Variants in VPS13B observed in about 807,000 individuals in gnomAD.
VPS13B encodes the protein intermembrane lipid transfer protein VPS13B.
A neutral mutation model predicts 426.4 loss-of-function variants in VPS13B; 285 were observed. The ratio of observed to expected loss-of-function variants is 0.67; its 90% CI spans 0.61 to 0.74. The LOEUF is 0.74. VPS13B is among the 30% of genes least tolerant of loss of function. VPS13B has a pLI of 0.00. For synonymous variants in VPS13B, 1,676 were observed against 1,676.4 expected, an observed-to-expected ratio of 1.00 and a Z score of 0.01; for missense variants, 4,537 against 4,782.6, an observed-to-expected ratio of 0.95 and a Z score of 1.51.
intron 20 of VPS13B, among the ~76,000 whole-genome samples, chr8:99,385,914 G>C (rs2133299009): frequency 6.6e-6 from 1 of 152,274 alleles, no homozygotes; most frequent in African/African-American, 2.4e-5. Context: ...TTCTTGTAGA[G>C]ACTAGGAGAA....
intron 21 of VPS13B, among the ~76,000 whole-genome samples, chr8:99,399,910 A>G (rs1814943858): frequency 1.3e-5 from 2 of 152,114 alleles, no homozygotes; most frequent in African/African-American, 2.4e-5. Flanking sequence ...ATAATGTCCT[A>G]TCTTGTTGGA....
intron 19 of VPS13B, among the ~76,000 whole-genome samples, chr8:99,319,324 C>T (rs1195039758): frequency 2.0e-5 from 3 of 152,070 alleles, no homozygotes; most frequent in East Asian, 3.8e-4. Context: ...TTGTCAAATG[C>T]GAAATGATAT....
intron 34 of VPS13B, among the ~76,000 whole-genome samples, chr8:99,644,899 C>T (rs1197390825): frequency 6.6e-6 from 1 of 152,172 alleles, no homozygotes; most frequent in African/African-American, 2.4e-5. Context: ...TGCTTTAACG[C>T]ATTATCTCAT....
At chr8:99,394,037 A>T (rs946134501) in intron 21 of VPS13B, among the ~76,000 whole-genome samples, 2 of 151,958 alleles carry the variant, frequency 1.3e-5, no homozygotes, top group African/African-American at 2.4e-5. Context: ...ACATCTGCCT[A>T]CCTTTTTTGG....
At chr8:99,443,996 CTTT>C (rs1396058137) in intron 23 of VPS13B, among the ~76,000 whole-genome samples, 1 of 147,018 alleles carries the variant, frequency 6.8e-6, no homozygotes, top group Non-Finnish European at 1.5e-5. Context: ...CGCTTTGTTT[CTTT>C]TTCTTTTCTT....
intron 24 of VPS13B, among the ~76,000 whole-genome samples, chr8:99,478,596 C>T (rs1222053222): frequency 6.6e-6 from 1 of 150,808 alleles, no homozygotes; most frequent in African/African-American, 2.4e-5. Flanking sequence ...TACAGGCACC[C>T]ACCACCACAC....
chr8:99,798,413 T>G (rs1008015698), intron 43 of VPS13B, among the ~76,000 whole-genome samples: 1 of 152,180 alleles, frequency 6.6e-6, no homozygotes, highest in African/African-American at 2.4e-5. Flanking sequence ...ACATTCTACC[T>G]AAATCAGAGG....
intron 19 of VPS13B, among the ~76,000 whole-genome samples, chr8:99,375,069 C>G (rs1277365922): frequency 2.0e-5 from 3 of 152,166 alleles, no homozygotes; most frequent in Non-Finnish European, 4.4e-5. Context: ...ATCTCTCCAG[C>G]CTTGCTTCTT....
At chr8:99,638,415 T>C (rs1228950972) in intron 33 of VPS13B, among the ~76,000 whole-genome samples, 1 of 152,128 alleles carries the variant, frequency 6.6e-6, no homozygotes, top group Non-Finnish European at 1.5e-5. Flanking sequence ...TACTCAGTGG[T>C]ATTTTATTTT....
At chr8:99,058,498 G>A (rs1037929962) in intron 3 of VPS13B, among the ~76,000 whole-genome samples, 6 of 151,722 alleles carry the variant, frequency 4.0e-5, no homozygotes, top group Non-Finnish European at 1.5e-5. Flanking sequence ...GTGATTCTCA[G>A]TAATTTTTAA....
intron 19 of VPS13B, among the ~76,000 whole-genome samples, chr8:99,312,219 A>T (rs1821026471): frequency 6.6e-6 from 1 of 152,162 alleles, no homozygotes; most frequent in Non-Finnish European, 1.5e-5. Context: ...TTATGATGTT[A>T]GCTGGTTATT....
At chr8:99,036,111 T>C (rs1270772740) in intron 2 of VPS13B, among the ~76,000 whole-genome samples, 1 of 152,192 alleles carries the variant, frequency 6.6e-6, no homozygotes, top group African/African-American at 2.4e-5. Context: ...TTGTCTTTTT[T>C]ACTCTTTTTC....
intron 21 of VPS13B, among the ~76,000 whole-genome samples, chr8:99,399,783 C>T (rs773619109): frequency 1.4e-4 from 22 of 152,022 alleles, no homozygotes; most frequent in African/African-American, 3.4e-4. Flanking sequence ...GTGTGCCGTG[C>T]GGAGTATTTT....
chr8:99,530,591 G>A (rs1822879876), intron 30 of VPS13B, among the ~76,000 whole-genome samples: 2 of 148,830 alleles, frequency 1.3e-5, no homozygotes, highest in Non-Finnish European at 1.5e-5. Context: ...TCCAGCCTGG[G>A]CAACAGAGTG....
At chr8:99,740,451 C>A (rs949074630) in intron 39 of VPS13B, among the ~76,000 whole-genome samples, 5 of 152,120 alleles carry the variant, frequency 3.3e-5, no homozygotes, top group African/African-American at 1.2e-4. Context: ...GGCCAACATT[C>A]AAATTCAGGA....
chr8:99,658,207 A>G (rs1830090174), intron 34 of VPS13B, among the ~76,000 whole-genome samples: 2 of 152,188 alleles, frequency 1.3e-5, no homozygotes, highest in South Asian at 4.1e-4. Context: ...TTTTTTTACC[A>G]TATGTGTTTA....
chr8:99,585,051 A>G (rs1826238614), intron 33 of VPS13B, among the ~76,000 whole-genome samples: 1 of 152,232 alleles, frequency 6.6e-6, no homozygotes, highest in Non-Finnish European at 1.5e-5. Flanking sequence ...TTGTTAGAGA[A>G]GAGAAGCAGT....
Position 99,846,584 on chromosome 8 carries a change from G to A in VPS13B, c.9943-2192G>A, listed in dbSNP as rs192852400. Among the ~76,000 whole-genome samples, 128 of 152,288 alleles carry A rather than the reference G, an allele frequency of 8.4e-4. 1 individual carries two copies. The highest frequency in any genetic ancestry group is 2.6e-3 in the African/African-American group (107 of 41,554). On this transcript the variant is annotated intron_variant, in intron 54 of 61. Coordinates refer to ENST00000357162, the MANE Select transcript of VPS13B (RefSeq NM_152564.5). ...CAAGGTGTGAGTTGTTTCTCTAAAT[G>A]TGAAAAGACAAGGATAGACTAAAGT...
intron 13 of VPS13B, among the ~76,000 whole-genome samples, chr8:99,147,278 A>C (rs1810789009): frequency 6.6e-6 from 1 of 151,862 alleles, no homozygotes; most frequent in Non-Finnish European, 1.5e-5. Context: ...TGCCCAGCTA[A>C]TTTTTGCATT....
Sources: allele counts gnomAD v4.1 joint callset (sites outside exome capture counted in the v4.1 genomes callset), GRCh38; gene constraint gnomAD v4.1.1; transcripts MANE v1.5; gene names NCBI Gene and HGNC (gene_info 2026-07-23, HGNC 2026-07-21).